The following IL1RAP variants were observed in gnomAD, a reference collection of about 807,000 sequenced individuals.
IL1RAP encodes interleukin-1 receptor accessory protein.
IL1RAP carries 35 observed loss-of-function variants against 60.7 expected under a neutral mutation model. The ratio of observed to expected loss-of-function variants is 0.58; its 90% CI spans 0.44 to 0.76. The LOEUF is 0.76. Ranked by LOEUF, IL1RAP falls within the 30% of genes least tolerant of loss-of-function variation. The probability of loss-of-function intolerance (pLI) is 0.00; values close to 1 mark genes in which losing one functional copy is unlikely to be tolerated. For missense variants in IL1RAP, 572 were observed against 693.9 expected, an observed-to-expected ratio of 0.82 and a Z score of 1.97; for synonymous variants, 268 against 250.9, an observed-to-expected ratio of 1.07 and a Z score of -0.64.
At chr3:190,648,070 C>G (rs1734163292) in intron 11 of IL1RAP, among the ~76,000 whole-genome samples, 1 of 152,136 alleles carries the variant, frequency 6.6e-6, no homozygotes, top group South Asian at 2.1e-4. Context: ...ATCAAGGTCA[C>G]AACACTATAC....
At chr3:190,591,491 G>A (rs1178551944) in intron 3 of IL1RAP, among the ~76,000 whole-genome samples, 2 of 152,112 alleles carry the variant, frequency 1.3e-5, no homozygotes, top group African/African-American at 2.4e-5. Context: ...TTCACTTCAT[G>A]TATGGAATGG....
intron 1 of IL1RAP, among the ~76,000 whole-genome samples, chr3:190,549,014 C>T (rs1293244254): frequency 6.6e-6 from 1 of 152,066 alleles, no homozygotes; most frequent in Non-Finnish European, 1.5e-5. Flanking sequence ...AGACATTCTC[C>T]TTAGGGTTCT....
Position 190,604,234 on chromosome 3 carries a change from C to T in IL1RAP, c.171C>T (p.Asn57=), listed in dbSNP as rs1730101024. The part of the protein sequence containing the change: ...CPLFEHFLKF[N]YSTAHSAGLT... ...TCTTTGAACACTTCTTGAAATTCAA[C>T]TACAGCACAGCCCATTCAGCTGGCC... is the stretch of plus-strand genomic sequence containing the variant. The change falls in exon 4 of 12, where the codon AAC becomes AAT. Residue 57 remains asparagine, a synonymous_variant. Transcript: ENST00000447382. 4 of 1,614,100 alleles carry T rather than the reference C, an allele frequency of 2.5e-6. No individual in the cohort carries two copies. The highest frequency in any genetic ancestry group is 3.4e-6 in the Non-Finnish European group (4 of 1,180,006).
At chr3:190,564,213 A>G (rs1441441265) in intron 2 of IL1RAP, 76 bp from the exon 3 acceptor site, 2 of 919,002 alleles carry the variant, frequency 2.2e-6, no homozygotes, top group Non-Finnish European at 3.6e-6. Context: ...GTCAGCAGGC[A>G]TGAATGCTAG....
At chr3:190,626,664 C>CTTTTTTTTTTTTTTTTTTTTTTT (rs766018376) in intron 7 of IL1RAP, among the ~76,000 whole-genome samples, 1 of 99,988 alleles carries the variant, frequency 1.0e-5, no homozygotes, top group African/African-American at 4.3e-5. Context: ...TGTCAGAGAC[C>CTTTTTTTTTTTTTTTTTTTTTTT]TTTTTTTTTT....
chr3:190,612,584 T>G (rs1730914088), intron 5 of IL1RAP, among the ~76,000 whole-genome samples: 2 of 152,196 alleles, frequency 1.3e-5, no homozygotes, highest in South Asian at 2.1e-4. Flanking sequence ...TTCACTTCTT[T>G]ATTTTTTTAG....
chr3:190,516,635 G>A (rs937807680), intron 1 of IL1RAP, among the ~76,000 whole-genome samples: 1 of 152,110 alleles, frequency 6.6e-6, no homozygotes, highest in Non-Finnish European at 1.5e-5. Context: ...AGACCTACTT[G>A]ATTTCAAATT....
chr3:190,538,110 C>T (rs577913536), intron 1 of IL1RAP, among the ~76,000 whole-genome samples: 1 of 152,266 alleles, frequency 6.6e-6, no homozygotes, highest in South Asian at 2.1e-4. Flanking sequence ...GCAAGATCTT[C>T]CCCATGAACC....
chr3:190,605,533 G>A (rs529299527), intron 4 of IL1RAP, among the ~76,000 whole-genome samples: 13 of 151,980 alleles, frequency 8.6e-5, no homozygotes, highest in South Asian at 6.2e-4. Context: ...CTATTTAACC[G>A]GTGTGTGGCT....
chr3:190,615,395 A>T (rs1233398113), intron 5 of IL1RAP: 1 of 824,612 alleles, frequency 1.2e-6, no homozygotes, highest in South Asian at 1.4e-5. Context: ...TACTGATGAG[A>T]TTAATTTAGA....
In IL1RAP at chr3:190,602,818, A is replaced by G. The variant is rs74321839; in HGVS notation, c.65-1310A>G. Among the ~76,000 whole-genome samples the G allele has an allele frequency of 5.3e-4, 80 of 152,348 alleles. 1 individual carries two copies. The highest frequency in any genetic ancestry group is 1.9e-3 in the African/African-American group (80 of 41,580). ...TAGGGAAGATTACAGAGTTAAAAAA[A>G]TACATACATAAGCATGTGTATGTGC... is the stretch of plus-strand genomic sequence containing the variant. On this transcript the variant is annotated intron_variant, in intron 3 of 11. Coordinates refer to ENST00000447382, the MANE Select transcript of IL1RAP (RefSeq NM_002182.4).
Position 190,555,922 on chromosome 3 carries a change from A to ATCTG in IL1RAP, c.-88-204_-88-201dup, listed in dbSNP as rs1336411205. On this transcript the variant is annotated intron_variant, in intron 1 of 11. Transcript: ENST00000447382. ...AAATTATATATATAGATAGATAGAG[A>ATCTG]TCTGTCTATCTATCTATCTATCTAT... is the stretch of plus-strand genomic sequence containing the variant. 146 of 136,034 alleles carry ATCTG rather than the reference A, an allele frequency of 1.1e-3. 1 individual carries two copies. Among genetic ancestry groups the ATCTG allele is most frequent in the African/African-American group, 3.6e-3 (129 of 36,130 alleles). The allele number at this position is 136,034 out of a possible 1,614,324, so 8.4% of individuals were successfully genotyped here.
chr3:190,605,897 G>A (rs1300960711), intron 4 of IL1RAP, among the ~76,000 whole-genome samples: 2 of 152,044 alleles, frequency 1.3e-5, no homozygotes, highest in Non-Finnish European at 2.9e-5. Context: ...TATAAATTGG[G>A]GTTGGGTGAC....
At chr3:190,569,849 T>C (rs1279461692) in intron 3 of IL1RAP, among the ~76,000 whole-genome samples, 2 of 152,180 alleles carry the variant, frequency 1.3e-5, no homozygotes. Flanking sequence ...CATACCGTTG[T>C]AGGAAAAAAT....
At chr3:190,656,460 A>T, downstream of IL1RAP, 1 of 1,537,258 alleles carries the variant, frequency 6.5e-7, no homozygotes, top group Non-Finnish European at 8.7e-7. Context: ...AGTGGGAGAC[A>T]CACCTCTGTA....
intron 3 of IL1RAP, among the ~76,000 whole-genome samples, chr3:190,567,548 C>A (rs1726525261): frequency 6.6e-6 from 1 of 152,112 alleles, no homozygotes; most frequent in African/African-American, 2.4e-5. Flanking sequence ...CTTGTGACTT[C>A]AACGAGTTTC....
intron 11 of IL1RAP, among the ~76,000 whole-genome samples, chr3:190,646,156 C>T (rs535128916): frequency 1.1e-3 from 168 of 151,544 alleles, no homozygotes; most frequent in Non-Finnish European, 2.1e-3. Context: ...TTAGATTTTT[C>T]GGTTTAGGCT....
intron 10 of IL1RAP, among the ~76,000 whole-genome samples, chr3:190,645,045 C>G (rs1323523207): frequency 6.6e-6 from 1 of 152,172 alleles, no homozygotes; most frequent in Admixed American, 6.5e-5. Context: ...AAACCATATT[C>G]CCAAGTGATT....
chr3:190,541,703 A>G (rs954162480), intron 1 of IL1RAP, among the ~76,000 whole-genome samples: 3 of 152,124 alleles, frequency 2.0e-5, no homozygotes, highest in Non-Finnish European at 4.4e-5. Flanking sequence ...TTGTGCAACT[A>G]TTGCCACCAT....
Sources: allele counts gnomAD v4.1 joint callset (sites outside exome capture counted in the v4.1 genomes callset), GRCh38; gene constraint gnomAD v4.1.1; transcripts MANE v1.5; gene names NCBI Gene and HGNC (gene_info 2026-07-23, HGNC 2026-07-21).